Variants in SLC17A2 observed in about 807,000 individuals in gnomAD.
SLC17A2 encodes solute carrier family 17 member 2.
SLC17A2 carries 38 observed loss-of-function variants against 52.1 expected under a neutral mutation model. That is an observed-to-expected ratio of 0.73 (90% CI 0.56 to 0.96). The LOEUF (loss-of-function observed/expected upper bound fraction) is 0.96. Among genes scored for constraint, SLC17A2 ranks in the 40% least tolerant of loss-of-function variants. The probability of loss-of-function intolerance (pLI) is 0.00; values close to 1 mark genes in which losing one functional copy is unlikely to be tolerated. For synonymous variants in SLC17A2, 226 were observed against 211.9 expected (o/e 1.07, Z -0.58); for missense variants, 508 against 583.9 (o/e 0.87, Z 1.34).
At chr6:25,926,922 C>A (rs891828208) in intron 1 of SLC17A2, among the ~76,000 whole-genome samples, 29 of 152,012 alleles carry the variant, frequency 1.9e-4, no homozygotes, top group African/African-American at 6.8e-4. Flanking sequence ...CAAAAACAGC[C>A]GGGTGTGGTG....
At chr6:25,913,631 G>A (rs1465976135) in intron 11 of SLC17A2, among the ~76,000 whole-genome samples, 180 bp from the exon 12 acceptor site, 5 of 152,188 alleles carry the variant, frequency 3.3e-5, no homozygotes, top group African/African-American at 1.2e-4. Flanking sequence ...TGCACATGGG[G>A]TTCTGAGTTG....
At chr6:25,914,087 C>G (rs1307627950) in intron 11 of SLC17A2, among the ~76,000 whole-genome samples, 2 of 152,270 alleles carry the variant, frequency 1.3e-5, no homozygotes, top group South Asian at 2.1e-4. Flanking sequence ...CCTCATGAGC[C>G]TGCATTTCCA....
chr6:25,913,523 G>A (rs1766182098), intron 11 of SLC17A2, 72 bp from the exon 12 acceptor site: 5 of 1,396,330 alleles, frequency 3.6e-6, no homozygotes, highest in South Asian at 2.4e-5. Context: ...AGCCCTCCCA[G>A]TTGTGTATTG....
chr6:25,919,483 G>A (rs993380416), intron 5 of SLC17A2, among the ~76,000 whole-genome samples: 1 of 151,654 alleles, frequency 6.6e-6, no homozygotes, highest in Non-Finnish European at 1.5e-5. Flanking sequence ...CGAGGCGGGC[G>A]GATCACGAGG....
intron 1 of SLC17A2, among the ~76,000 whole-genome samples, chr6:25,929,033 G>A (rs953139158): frequency 6.6e-6 from 1 of 151,998 alleles, no homozygotes; most frequent in Admixed American, 6.6e-5. Context: ...CTTTTTTTAA[G>A]TCTAGAACTC....
At chr6:25,922,039 T>A (rs865798701) in intron 3 of SLC17A2, among the ~76,000 whole-genome samples, 30 of 150,782 alleles carry the variant, frequency 2.0e-4, no homozygotes, top group South Asian at 1.2e-3. Context: ...AATAAATAAA[T>A]AAAAAATAAA....
chr6:25,918,945 C>T (rs187424812), intron 5 of SLC17A2, among the ~76,000 whole-genome samples: 131 of 152,200 alleles, frequency 8.6e-4, no homozygotes, highest in Non-Finnish European at 1.4e-3. Flanking sequence ...TTACAAAAAT[C>T]GGTAAGATAC....
chr6:25,922,514 A>G (rs1255186227), intron 3 of SLC17A2, among the ~76,000 whole-genome samples: 1 of 152,186 alleles, frequency 6.6e-6, no homozygotes, highest in Non-Finnish European at 1.5e-5. Context: ...TCCAGTGAAC[A>G]CTGCATGTTT....
At position 25,914,625 on chromosome 6, in the gene SLC17A2, G is replaced by A. The variant is rs34525648; in HGVS notation, c.1257C>T (p.Ile419=). 162,064 of 1,611,820 alleles carry A rather than the reference G, an allele frequency of 0.1. 9,288 individuals are homozygous for A. The highest frequency in any genetic ancestry group is 0.17 in the African/African-American group (12,927 of 74,874). ...TGGCAGTGGAAGAGATGATTCCTGC[G>A]ATGAGCCCAAATCCCCTTGAGATTC... ...LMGISRGFGL[I]AGIISSTATG... is the part of the protein sequence containing the mutation. Residue 419 remains isoleucine, a synonymous_variant, in exon 11 of 12, where the codon ATC becomes ATT. Transcript: ENST00000377850.
At chr6:25,917,134 G>A (rs775648244) in intron 6 of SLC17A2, 47 bp from the exon 7 acceptor site, 1 of 1,402,930 alleles carries the variant, frequency 7.1e-7, no homozygotes, top group Non-Finnish European at 1.0e-6. Flanking sequence ...TTGTTTACTG[G>A]GGGAAGGAAG....
chr6:25,919,087 G>A (rs982552233), intron 5 of SLC17A2, among the ~76,000 whole-genome samples: 4 of 152,088 alleles, frequency 2.6e-5, no homozygotes, highest in African/African-American at 9.7e-5. Flanking sequence ...ATTTCACAGA[G>A]ACCTATAGTA....
At chr6:25,917,777 T>C (rs779879099) in intron 6 of SLC17A2, among the ~76,000 whole-genome samples, 77 of 152,252 alleles carry the variant, frequency 5.1e-4, no homozygotes. Flanking sequence ...TTCTGAGGAC[T>C]AGTTTTCTTT....
At chr6:25,919,805 C>G (rs1766483622) in intron 5 of SLC17A2, among the ~76,000 whole-genome samples, 1 of 149,610 alleles carries the variant, frequency 6.7e-6, no homozygotes, top group African/African-American at 2.5e-5. Context: ...AAAGAACTTT[C>G]CAGGCATATA....
intron 1 of SLC17A2, among the ~76,000 whole-genome samples, chr6:25,927,302 A>G (rs1269013147): frequency 6.6e-6 from 1 of 152,218 alleles, no homozygotes; most frequent in Admixed American, 6.5e-5. Context: ...CCTAATAATG[A>G]GAGTCTGGCA....
chr6:25,921,705 C>T (rs1766566586), intron 3 of SLC17A2, among the ~76,000 whole-genome samples: 1 of 152,144 alleles, frequency 6.6e-6, no homozygotes, highest in South Asian at 2.1e-4. Flanking sequence ...TCTGTGAAAG[C>T]ACTTCCTCTA....
intron 11 of SLC17A2, among the ~76,000 whole-genome samples, chr6:25,914,182 T>C (rs960719884): frequency 1.3e-5 from 2 of 152,190 alleles, no homozygotes; most frequent in African/African-American, 4.8e-5. Context: ...TAGGACACTT[T>C]GTTTCCCTTT....
chr6:25,921,482 G>T, intron 3 of SLC17A2, 70 bp from the exon 4 acceptor site: 1 of 1,117,172 alleles, frequency 9.0e-7, no homozygotes, highest in Non-Finnish European at 1.3e-6. Flanking sequence ...AGTCAGAGTT[G>T]CTTGAGGTTA....
intron 5 of SLC17A2, among the ~76,000 whole-genome samples, chr6:25,918,858 C>T (rs931016064): frequency 6.6e-6 from 1 of 152,200 alleles, no homozygotes; most frequent in Non-Finnish European, 1.5e-5. Context: ...GCTATCACAG[C>T]CCATTAGCAT....
intron 10 of SLC17A2, among the ~76,000 whole-genome samples, chr6:25,915,149 GTATATATATATA>G (rs59580107): frequency 0.081 from 4,705 of 57,896 alleles, 695 homozygotes; most frequent in African/African-American, 0.23. Context: ...TATTGTGACT[GTATATATATATA>G]TATATATATA....
Sources: gnomAD v4.1 joint callset for allele counts (sites outside exome capture counted in the v4.1 genomes callset) on GRCh38, gnomAD v4.1.1 for gene constraint, MANE v1.5 for transcripts, NCBI Gene and HGNC (gene_info 2026-07-23, HGNC 2026-07-21) for gene names.